Variants in SETBP1 observed in about 807,000 individuals in gnomAD.
SETBP1 encodes SET binding protein 1.
A neutral mutation model predicts 101.0 loss-of-function variants in SETBP1; 9 were observed. That is an observed-to-expected ratio of 0.09 (90% CI 0.05 to 0.16). The LOEUF is 0.16. Ranked by LOEUF, SETBP1 falls within the 10% of genes least tolerant of loss-of-function variation. SETBP1 has a pLI of 1.00. For synonymous variants in SETBP1, 818 were observed against 788.5 expected (o/e 1.04, Z -0.63); for missense variants, 1,858 against 2,033.8 (o/e 0.91, Z 1.66).
intron 4 of SETBP1, among the ~76,000 whole-genome samples, chr18:44,971,815 A>T (rs1014034600): frequency 6.6e-6 from 1 of 152,096 alleles, no homozygotes; most frequent in South Asian, 2.1e-4. Flanking sequence ...ATTTTCTCCC[A>T]TTCTGTAGGT....
chr18:44,746,232 A>C (rs780603938), intron 2 of SETBP1, among the ~76,000 whole-genome samples: 1 of 152,228 alleles, frequency 6.6e-6, no homozygotes, highest in Non-Finnish European at 1.5e-5. Context: ...GCCTTTGAGA[A>C]TCACTGGATG....
intron 3 of SETBP1, among the ~76,000 whole-genome samples, chr18:44,877,877 C>T (rs926975683): frequency 1.3e-5 from 2 of 152,066 alleles, no homozygotes; most frequent in African/African-American, 4.8e-5. Flanking sequence ...AATAAGTTCT[C>T]CTGGGATACT....
chr18:45,021,964 G>A (rs1177080724), intron 4 of SETBP1, among the ~76,000 whole-genome samples: 7 of 152,126 alleles, frequency 4.6e-5, no homozygotes, highest in East Asian at 1.9e-4. Flanking sequence ...AAGGCAAGTC[G>A]GAATTATGTA....
chr18:44,876,598 A>G (rs2069408172), intron 3 of SETBP1: 1 of 1,551,256 alleles, frequency 6.4e-7, no homozygotes, highest in African/African-American at 1.4e-5. Context: ...AGTCTGGAAG[A>G]GAAGAGGAGG....
At chr18:45,043,154 A>G (rs187310625) in intron 5 of SETBP1, among the ~76,000 whole-genome samples, 17 of 152,278 alleles carry the variant, frequency 1.1e-4, no homozygotes, top group African/African-American at 4.1e-4. Context: ...TCTCAGGGAG[A>G]TCACGTAATG....
At chr18:44,886,895 C>G (rs975886540) in intron 3 of SETBP1, among the ~76,000 whole-genome samples, 9 of 151,930 alleles carry the variant, frequency 5.9e-5, no homozygotes, top group African/African-American at 9.7e-5. Flanking sequence ...TGACGAATTC[C>G]TAGCAAAAGG....
intron 2 of SETBP1, among the ~76,000 whole-genome samples, chr18:44,810,088 G>A (rs2071829292): frequency 1.3e-5 from 2 of 152,150 alleles, no homozygotes; most frequent in South Asian, 4.1e-4. Context: ...AAAGCAGTGG[G>A]GAGCTCTTAT....
At chr18:44,696,988 C>T (rs1003487514) in intron 1 of SETBP1, among the ~76,000 whole-genome samples, 2 of 151,938 alleles carry the variant, frequency 1.3e-5, no homozygotes, top group Non-Finnish European at 2.9e-5. Flanking sequence ...CCCCCACTGC[C>T]GCCCCTGCCC....
At chr18:44,710,451 T>TG (rs1408269671) in intron 2 of SETBP1, among the ~76,000 whole-genome samples, 7 of 1,180 alleles carry the variant, frequency 5.9e-3, no homozygotes, top group African/African-American at 0.038. Context: ...ATTTTAGGAG[T>TG]TTTTTTTTTT....
At chr18:44,819,154 CTT>C (rs10541552) in intron 2 of SETBP1, among the ~76,000 whole-genome samples, 51,171 of 151,808 alleles carry the variant, frequency 0.34, 8,835 homozygotes, top group Middle Eastern at 0.38. Flanking sequence ...CCTTTTTCCT[CTT>C]GATACATGTG....
intron 3 of SETBP1, among the ~76,000 whole-genome samples, chr18:44,902,641 TATAAG>T (rs1335559147): frequency 3.9e-5 from 6 of 152,318 alleles, no homozygotes; most frequent in South Asian, 2.1e-4. Flanking sequence ...TATGTGAATA[TATAAG>T]ATATGTTTTG....
rs1032603185 is a variant in SETBP1, at chr18:45,005,945, C to CT, written c.4001-32514dup. On this transcript the variant is annotated intron_variant, in intron 4 of 5. Transcript: ENST00000649279. ...ACAGGTGTGAGCCACTGCACCCGGC[C>CT]TTTTTTTTTTTTTTTTTTTTTTTTT... Among the ~76,000 whole-genome samples, 499 of 103,138 alleles carry CT rather than the reference C, an allele frequency of 4.8e-3. 51 individuals carry two copies. The highest frequency in any genetic ancestry group is 5.5e-3 in the African/African-American group (137 of 24,820). 67.7% of individuals were successfully genotyped at this position (103,138 alleles called of 152,430 possible).
In SETBP1 at chr18:45,066,009, C is replaced by G. The variant is rs1254927991; in HGVS notation, c.*2311C>G. ...TTTGAAATCATTTCCTTTTTTCTTT[C>G]GTTTGCCCTTCTTCCTTCCTGTGTT... is the stretch of plus-strand genomic sequence containing the variant. On this transcript the variant is annotated 3_prime_UTR_variant, in exon 6 of 6. Transcript: ENST00000649279. 1 of 151,944 alleles carries G rather than the reference C, an allele frequency of 6.6e-6. No homozygotes were observed. The highest frequency in any genetic ancestry group is 1.9e-4 in the East Asian group (1 of 5,192). 9.4% of individuals were successfully genotyped at this position (151,944 alleles called of 1,614,324 possible).
At chr18:44,722,248 C>A (rs960436833) in intron 2 of SETBP1, among the ~76,000 whole-genome samples, 1 of 152,116 alleles carries the variant, frequency 6.6e-6, no homozygotes, top group African/African-American at 2.4e-5. Flanking sequence ...AGGAAGGAAT[C>A]CTGGGAACCT....
intron 3 of SETBP1, among the ~76,000 whole-genome samples, chr18:44,948,724 A>G (rs758786343): frequency 2.0e-5 from 3 of 152,242 alleles, no homozygotes; most frequent in East Asian, 1.9e-4. Flanking sequence ...TTGAACTAGT[A>G]TCATGGCTTA....
chr18:44,831,459 A>G (rs1051208730), intron 2 of SETBP1, among the ~76,000 whole-genome samples: 4 of 152,200 alleles, frequency 2.6e-5, no homozygotes, highest in Admixed American at 1.3e-4. Flanking sequence ...ACTTTCAATG[A>G]TCTTGCCAAA....
At position 44,929,691 on chromosome 18, in the gene SETBP1, G is replaced by A. The variant is rs567615247; in HGVS notation, c.541-20190G>A. On this transcript the variant is annotated intron_variant, in intron 3 of 5. Transcript: ENST00000649279. The stretch of plus-strand genomic sequence containing the variant: ...GATTCCTAGGTATTTTATTCCCTTT[G>A]AAGCAATTGTGAATGGGAGTTCACT... Among the ~76,000 whole-genome samples, 7 of 152,224 alleles carry A rather than the reference G, an allele frequency of 4.6e-5. No individual in the cohort carries two copies. In the South Asian group the frequency reaches 8.3e-4, roughly 18 times the overall value.
chr18:44,737,031 G>T (rs1191493236), intron 2 of SETBP1, among the ~76,000 whole-genome samples: 1 of 152,118 alleles, frequency 6.6e-6, no homozygotes, highest in African/African-American at 2.4e-5. Context: ...GTAGACACTT[G>T]GTACATCTTT....
intron 4 of SETBP1, among the ~76,000 whole-genome samples, chr18:44,954,329 TA>T (rs5824565): frequency 0.55 from 39,575 of 71,452 alleles, 8,149 homozygotes; most frequent in Middle Eastern, 0.63. Context: ...TTGCAGAAGC[TA>T]AAAAAAAAAA....
Sources: gnomAD v4.1 joint callset for allele counts (sites outside exome capture counted in the v4.1 genomes callset) on GRCh38, gnomAD v4.1.1 for gene constraint, MANE v1.5 for transcripts, NCBI Gene and HGNC (gene_info 2026-07-23, HGNC 2026-07-21) for gene names.